Variants in PPFIA2 observed in about 807,000 individuals in gnomAD.
PPFIA2 encodes the protein PPFI scaffold protein A2.
A neutral mutation model predicts 175.5 loss-of-function variants in PPFIA2; 46 were observed. That is an observed-to-expected ratio of 0.26 (90% confidence interval 0.21 to 0.34). The LOEUF is 0.34. Among genes scored for constraint, PPFIA2 ranks in the 10% least tolerant of loss-of-function variants. The pLI, the probability that PPFIA2 is intolerant of heterozygous loss-of-function variation, is 1.00. For missense variants in PPFIA2, 1,179 were observed against 1,506.1 expected (o/e 0.78, Z 3.60); for synonymous variants, 568 against 511.4 (o/e 1.11, Z -1.49).
At chr12:81,404,177 C>T (rs540806646) in intron 8 of PPFIA2, among the ~76,000 whole-genome samples, 2 of 152,020 alleles carry the variant, frequency 1.3e-5, no homozygotes, top group Non-Finnish European at 2.9e-5. Context: ...AAGAAGAACA[C>T]TTCAAGTATG....
chr12:81,598,073 A>T (rs1221269085), intron 4 of PPFIA2: 1 of 1,534,172 alleles, frequency 6.5e-7, no homozygotes, highest in Non-Finnish European at 8.7e-7. Context: ...GGAGCTACAG[A>T]TGCAGAGCAG....
chr12:81,304,948 G>T (rs901937013), intron 22 of PPFIA2, among the ~76,000 whole-genome samples: 1 of 151,954 alleles, frequency 6.6e-6, no homozygotes, highest in Non-Finnish European at 1.5e-5. Flanking sequence ...GTGATCTAAG[G>T]ATACAAGTTA....
At chr12:81,379,564 G>T (rs1306988127) in intron 9 of PPFIA2, among the ~76,000 whole-genome samples, 1 of 152,066 alleles carries the variant, frequency 6.6e-6, no homozygotes, top group Admixed American at 6.6e-5. Flanking sequence ...CTATGTATTT[G>T]ATATATCATT....
At position 81,347,626 on chromosome 12, in the gene PPFIA2, C is replaced by T; in HGVS notation, c.2139G>A (p.Leu713=). Reference sequence around the variant, plus strand: ...GTCCACTGGGGGGAGATGAACTGGCCAGCGATGAAGCTGTAACAGAGGCAG... The same window carrying T: ...GTCCACTGGGGGGAGATGAACTGGCTAGCGATGAAGCTGTAACAGAGGCAG... ...SITASVTASS[L]ASSSPPSGHS... is the part of the protein sequence containing the mutation. The change falls in exon 18 of 33, where the codon CTG becomes CTA. Residue 713 remains leucine (L), a synonymous_variant. Transcript: ENST00000549396. The T allele has an allele frequency of 6.2e-7, 1 of 1,613,766 alleles. No individual in the cohort carries two copies. The highest frequency in any genetic ancestry group is 8.5e-7 in the Non-Finnish European group (1 of 1,179,808).
intron 4 of PPFIA2, among the ~76,000 whole-genome samples, chr12:81,590,437 A>G (rs1478706990): frequency 6.6e-6 from 1 of 152,154 alleles, no homozygotes; most frequent in Non-Finnish European, 1.5e-5. Context: ...CTATCCATAT[A>G]CTAATTACCA....
At chr12:81,305,900 G>A (rs1264994064) in intron 22 of PPFIA2, among the ~76,000 whole-genome samples, 1 of 152,138 alleles carries the variant, frequency 6.6e-6, no homozygotes, top group Non-Finnish European at 1.5e-5. Context: ...ACAGACCATA[G>A]GGAACAGTAT....
At chr12:81,368,173 A>G (rs763198918) in intron 13 of PPFIA2, 40 of 1,286,142 alleles carry the variant, frequency 3.1e-5, no homozygotes, top group Admixed American at 6.9e-5. Context: ...CCAACTATCA[A>G]TGAGACATAT....
intron 4 of PPFIA2, chr12:81,546,488 A>G (rs191346190): frequency 6.6e-6 from 1 of 152,216 alleles, no homozygotes; most frequent in Admixed American, 6.5e-5. Context: ...TTTAACATAC[A>G]TGAATTTCCC....
intron 4 of PPFIA2, among the ~76,000 whole-genome samples, chr12:81,589,925 T>C (rs1595360040): frequency 6.6e-6 from 1 of 152,312 alleles, no homozygotes; most frequent in South Asian, 2.1e-4. Context: ...CTGAAAATTC[T>C]TAAACCCAAA....
chr12:81,275,959 T>C (rs536271273), intron 28 of PPFIA2, among the ~76,000 whole-genome samples: 62 of 152,076 alleles, frequency 4.1e-4, no homozygotes, highest in Non-Finnish European at 7.9e-4. Flanking sequence ...TAATTTTTTG[T>C]ATTTTTAGTA....
At chr12:81,341,014 C>A in intron 20 of PPFIA2, 64 bp downstream of exon 20, 1 of 1,455,182 alleles carries the variant, frequency 6.9e-7, no homozygotes, top group South Asian at 1.3e-5. Context: ...TCGACAACAA[C>A]GAAGGAAGAG....
At chr12:81,525,901 T>A (rs114331989) in intron 4 of PPFIA2, among the ~76,000 whole-genome samples, 130 of 152,238 alleles carry the variant, frequency 8.5e-4, no homozygotes, top group African/African-American at 3.0e-3. Context: ...TTGGCTAGAA[T>A]AATATAGATA....
chr12:81,734,587 C>A (rs973701321), intron 3 of PPFIA2, among the ~76,000 whole-genome samples: 1 of 151,744 alleles, frequency 6.6e-6, no homozygotes, highest in African/African-American at 2.4e-5. Flanking sequence ...ATGTCATTGT[C>A]AACAAGCACT....
intron 28 of PPFIA2, among the ~76,000 whole-genome samples, chr12:81,270,239 A>T (rs904507333): frequency 6.6e-6 from 1 of 152,190 alleles, no homozygotes; most frequent in Non-Finnish European, 1.5e-5. Flanking sequence ...ACCTTGCATT[A>T]TTAATGTCTG....
chr12:81,717,909 C>T (rs190183795), intron 3 of PPFIA2, among the ~76,000 whole-genome samples: 70 of 151,664 alleles, frequency 4.6e-4, no homozygotes, highest in Admixed American at 1.4e-3. Context: ...TTCAGACTAC[C>T]GTCAAATTGA....
intron 3 of PPFIA2, among the ~76,000 whole-genome samples, chr12:81,706,687 G>C (rs1410548654): frequency 2.0e-5 from 3 of 152,080 alleles, no homozygotes; most frequent in Non-Finnish European, 2.9e-5. Flanking sequence ...CAGGGGTCAG[G>C]GACCCACTTG....
chr12:81,368,047 T>C (rs2034029756), intron 13 of PPFIA2: 2 of 1,144,108 alleles, frequency 1.7e-6, no homozygotes, highest in Admixed American at 2.3e-5. Context: ...AAAATAGTGA[T>C]TGGCATTCAA....
intron 8 of PPFIA2, among the ~76,000 whole-genome samples, chr12:81,386,318 A>AG (rs1402757879): frequency 4.0e-5 from 6 of 149,500 alleles, no homozygotes; most frequent in East Asian, 1.9e-4. Flanking sequence ...TAAATAAATA[A>AG]ATAAGAAAAG....
intron 4 of PPFIA2, among the ~76,000 whole-genome samples, chr12:81,646,711 C>T (rs1239022988): frequency 6.6e-6 from 1 of 152,164 alleles, no homozygotes; most frequent in African/African-American, 2.4e-5. Context: ...GACACTAAAG[C>T]CCAAATCAAG....
Sources: gnomAD v4.1 joint callset for allele counts (sites outside exome capture counted in the v4.1 genomes callset) on GRCh38, gnomAD v4.1.1 for gene constraint, MANE v1.5 for transcripts, NCBI Gene and HGNC (gene_info 2026-07-23, HGNC 2026-07-21) for gene names.